The following IL1RAPL1 variants were observed in gnomAD, a reference collection of about 807,000 sequenced individuals.
IL1RAPL1 encodes the protein interleukin-1 receptor accessory protein-like 1.
In IL1RAPL1, 3 loss-of-function variants were observed where a neutral mutation model predicts 48.4. The observed-to-expected ratio is 0.06, with a 90% CI of 0.03 to 0.16. IL1RAPL1 has a LOEUF of 0.16. Ranked by LOEUF, IL1RAPL1 falls within the 10% of genes least tolerant of loss-of-function variation. The pLI is 1.00. For synonymous variants in IL1RAPL1, 185 were observed against 187.7 expected (o/e 0.99, Z 0.12); for missense variants, 349 against 530.6 (o/e 0.66, Z 3.36).
intron 3 of IL1RAPL1, among the ~76,000 whole-genome samples, chrX:29,360,683 A>T (rs908629598): frequency 3.6e-5 from 4 of 111,689 alleles, no homozygotes; most frequent in Non-Finnish European, 3.8e-5. Context: ...TGAATCAAGG[A>T]TTTTAAAATT....
chrX:28,602,321 G>T (rs746083156), intron 1 of IL1RAPL1, among the ~76,000 whole-genome samples: 23 of 111,557 alleles, frequency 2.1e-4, no homozygotes, highest in Non-Finnish European at 3.2e-4. Context: ...AAGGCTCCAG[G>T]CTCAAAAATT....
intron 2 of IL1RAPL1, among the ~76,000 whole-genome samples, chrX:28,858,521 C>A (rs1047883321): frequency 8.9e-6 from 1 of 112,063 alleles, no homozygotes; most frequent in East Asian, 2.8e-4. Context: ...GAGGCAAGAC[C>A]CTCCACCAGC....
At chrX:28,760,078 T>C (rs1936151534) in intron 1 of IL1RAPL1, among the ~76,000 whole-genome samples, 1 of 111,388 alleles carries the variant, frequency 9.0e-6, no homozygotes, top group Non-Finnish European at 1.9e-5. Context: ...TTTGTCGACA[T>C]GTAGAATGTG....
intron 2 of IL1RAPL1, among the ~76,000 whole-genome samples, chrX:28,794,026 G>C (rs186497699): frequency 3.3e-4 from 37 of 111,147 alleles, no homozygotes; most frequent in Admixed American, 1.2e-3. Flanking sequence ...CATCAGTGAG[G>C]ATGCTACAGG....
At chrX:29,109,550 A>G (rs966876851) in intron 2 of IL1RAPL1, among the ~76,000 whole-genome samples, 5 of 110,993 alleles carry the variant, frequency 4.5e-5, no homozygotes, top group Non-Finnish European at 7.5e-5. Flanking sequence ...GTCTTGATAT[A>G]ATTTTTGACC....
intron 2 of IL1RAPL1, among the ~76,000 whole-genome samples, chrX:28,828,553 A>T (rs1013266996): frequency 9.0e-6 from 1 of 111,557 alleles, no homozygotes; most frequent in African/African-American, 3.3e-5. Context: ...GTTGACTGGG[A>T]TTTCTATTAC....
chrX:29,952,996 A>G (rs991868129), intron 9 of IL1RAPL1, among the ~76,000 whole-genome samples: 2 of 112,027 alleles, frequency 1.8e-5, no homozygotes, highest in African/African-American at 6.5e-5. Context: ...TCAGACTACT[A>G]GAATTAACAC....
At chrX:29,325,353 G>T (rs143537363) in intron 3 of IL1RAPL1, among the ~76,000 whole-genome samples, 1 of 112,022 alleles carries the variant, frequency 8.9e-6, no homozygotes, top group Non-Finnish European at 1.9e-5. Flanking sequence ...AGGCTTTCAC[G>T]TCTTCATTTG....
rs1284251804 is a variant in IL1RAPL1, at chrX:28,985,813, C to A, written c.82+196388C>A. 4.6e-5 allele frequency among the ~76,000 whole-genome samples: 5 copies of A among 109,890 alleles called. No individual in the cohort carries two copies. The East Asian group carries it at 1.4e-3, about 32-fold the overall frequency. ...TAGCTGGGACTACAGGCGCCCGCCA[C>A]CTCGCCCGGCTAATTTTTTGTATTT... is the stretch of plus-strand genomic sequence containing the variant. On this transcript the variant is annotated intron_variant, in intron 2 of 10. Coordinates refer to ENST00000378993, the MANE Select transcript of IL1RAPL1 (RefSeq NM_014271.4).
intron 5 of IL1RAPL1, among the ~76,000 whole-genome samples, chrX:29,614,843 C>G (rs1332745061): frequency 1.8e-5 from 2 of 111,206 alleles, no homozygotes; most frequent in South Asian, 3.8e-4. Context: ...TAAGAATATT[C>G]TTTACAATAG....
intron 2 of IL1RAPL1, among the ~76,000 whole-genome samples, chrX:29,174,386 TGCCGTGACTC>T (rs777244790): frequency 1.1e-4 from 12 of 112,220 alleles, no homozygotes; most frequent in African/African-American, 3.2e-4. Flanking sequence ...CCATCACTTG[TGCCGTGACTC>T]GGAGCCATAA....
chrX:29,825,460 T>C (rs1930715593), intron 6 of IL1RAPL1, among the ~76,000 whole-genome samples: 1 of 111,810 alleles, frequency 8.9e-6, no homozygotes, highest in Non-Finnish European at 1.9e-5. Context: ...GTTTCCTTTC[T>C]CTAGATTTCT....
intron 5 of IL1RAPL1, among the ~76,000 whole-genome samples, chrX:29,455,331 T>G (rs1192701554): frequency 8.9e-6 from 1 of 112,204 alleles, no homozygotes; most frequent in Non-Finnish European, 1.9e-5. Flanking sequence ...AAAACAGAGT[T>G]CCAACAGTTA....
intron 2 of IL1RAPL1, among the ~76,000 whole-genome samples, chrX:28,926,301 C>A (rs1342456035): frequency 9.0e-6 from 1 of 111,599 alleles, no homozygotes; most frequent in African/African-American, 3.3e-5. Flanking sequence ...AAAGATCAGA[C>A]TTCTAAAAAC....
intron 2 of IL1RAPL1, among the ~76,000 whole-genome samples, chrX:29,156,612 C>T (rs1240302363): frequency 2.7e-5 from 3 of 111,342 alleles, no homozygotes; most frequent in Admixed American, 9.6e-5. Flanking sequence ...CCTCATTCCC[C>T]AGTAGCCAGT....
chrX:29,162,811 C>T (rs752067342), intron 2 of IL1RAPL1, among the ~76,000 whole-genome samples: 72 of 110,836 alleles, frequency 6.5e-4, no homozygotes, highest in Non-Finnish European at 1.3e-3. Flanking sequence ...TGGTGGCTCA[C>T]GCCTGTAATC....
intron 5 of IL1RAPL1, among the ~76,000 whole-genome samples, chrX:29,434,541 C>T (rs1934459433): frequency 9.1e-6 from 1 of 110,441 alleles, no homozygotes; most frequent in Admixed American, 9.7e-5. Context: ...ATCTGCTGTC[C>T]ACTTCTCCAA....
chrX:28,792,828 TATATATATATATATATATATATAA>T (rs1403126918), intron 2 of IL1RAPL1, among the ~76,000 whole-genome samples: 7 of 54,958 alleles, frequency 1.3e-4, no homozygotes, highest in South Asian at 2.4e-3. Flanking sequence ...TATATATATA[TATATATATATATATATATATATAA>T]AAAATAAGGC....
intron 6 of IL1RAPL1, among the ~76,000 whole-genome samples, chrX:29,705,103 C>T (rs1166067793): frequency 1.8e-5 from 2 of 111,752 alleles, no homozygotes; most frequent in Non-Finnish European, 3.8e-5. Flanking sequence ...ACTTGTTAAT[C>T]ACTTTTAGAA....
Sources: allele counts gnomAD v4.1 joint callset (sites outside exome capture counted in the v4.1 genomes callset), GRCh38; gene constraint gnomAD v4.1.1; transcripts MANE v1.5; gene names NCBI Gene and HGNC (gene_info 2026-07-23, HGNC 2026-07-21).